ATP23: variants seen among roughly 807,000 people sequenced by gnomAD.
The protein encoded by ATP23 is ATP23 metallopeptidase and ATP synthase assembly factor homolog, also known as mitochondrial inner membrane protease ATP23 homolog.
Under a neutral mutation model 28.5 loss-of-function variants are expected in ATP23, and 24 were observed. The observed-to-expected ratio is 0.84, with a 90% CI of 0.61 to 1.18. The LOEUF (loss-of-function observed/expected upper bound fraction) is 1.18, where lower values mean the gene tolerates loss of function less well. Among genes scored for constraint, ATP23 ranks in the 50% most tolerant of loss-of-function variants. The pLI is 0.00. For missense variants in ATP23, 274 were observed against 306.4 expected (o/e 0.89, Z 0.79); for synonymous variants, 99 against 108.6 (o/e 0.91, Z 0.55).
rs1434183769 is a variant in ATP23 at position 57,941,848 on chromosome 12, C to G, written c.147C>G (p.Asn49Lys). 1.9e-6 allele frequency: 3 copies of G among 1,612,808 alleles called. No individual in the cohort carries two copies. Among genetic ancestry groups the G allele is most frequent in the Non-Finnish European group, 8.5e-7 (1 of 1,179,586 alleles). Residue 49 changes from asparagine to lysine, a missense_variant, in exon 1 of 6, where the codon AAC becomes AAG. Physicochemically the swap from Asn to Lys is moderately conservative, Grantham distance 94. Coordinates refer to ENST00000300145, the MANE Select transcript of ATP23 (RefSeq NM_033276.4). ...TCTTCTCCAGCTTCTTCACCAGCAA[C>G]CAGAAGTGCCAGCTTAGGCTCCTGA... is the stretch of plus-strand genomic sequence containing the variant. The part of the protein sequence containing the change: ...QGFFSSFFTS[N>K]QKCQLRLLKT...
intron 3 of ATP23, 143 bp from the exon 4 acceptor site, chr12:57,951,615 T>A: frequency 1.2e-6 from 1 of 857,968 alleles, no homozygotes; most frequent in Non-Finnish European, 1.9e-6. Flanking sequence ...TGGGTAGATG[T>A]GTGGCCAATG....
chr12:57,944,504 G>A (rs1956740908), intron 1 of ATP23, among the ~76,000 whole-genome samples: 1 of 152,184 alleles, frequency 6.6e-6, no homozygotes. Context: ...AATCGTCTAG[G>A]CCTCCCCGTC....
At position 57,946,996 on chromosome 12, in the gene ATP23, G is replaced by T; in HGVS notation, c.235G>T (p.Ala79Ser). ...TTGTCTCCTTTTCTTGCCTTTTAGT[G>T]CTGTTAACAAAGATAGACACTTTTC... ...LLDAMKHSGC[A>S]VNKDRHFSCE... The change falls in exon 3 of 6, where the codon GCT (alanine) becomes TCT (serine). Residue 79 changes from alanine to serine, a missense_variant and splice_region_variant. Ala to Ser is a moderately conservative substitution (Grantham distance 99). Transcript: ENST00000300145. 1 of 1,613,652 alleles carries T rather than the reference G, an allele frequency of 6.2e-7. No individual in the cohort carries two copies. Among genetic ancestry groups the T allele is most frequent in the South Asian group, 1.1e-5 (1 of 91,038 alleles).
chr12:57,950,813 G>A (rs1422413513), intron 3 of ATP23, among the ~76,000 whole-genome samples: 1 of 152,198 alleles, frequency 6.6e-6, no homozygotes, highest in East Asian at 1.9e-4. Flanking sequence ...ATAGGCATGA[G>A]CCACTGCACC....
chr12:57,941,626 G>T lies in ATP23; in HGVS notation c.-76G>T. ...GAGGGCCTGGGCGGTCGCGTTGGCG[G>T]GAGGGAGGTTACCTTTCCCAGTCTC... On this transcript the variant is annotated 5_prime_UTR_variant, in exon 1 of 6. Coordinates refer to ENST00000300145, the MANE Select transcript of ATP23 (RefSeq NM_033276.4). 1 of 1,536,156 alleles carries T rather than the reference G, an allele frequency of 6.5e-7. No individual in the cohort carries two copies.
chr12:57,956,914 A>G lies in ATP23; in HGVS notation c.*24A>G, dbSNP rs1252204874. ...GAGCACAATGACATTTTTATATTAC[A>G]GAGCTTCCATCATCATGAAGAAAAA... On this transcript the variant is annotated 3_prime_UTR_variant, in exon 6 of 6. Transcript: ENST00000300145. 1.9e-6 allele frequency: 3 copies of G among 1,563,290 alleles called. No homozygotes were observed. The highest frequency in any genetic ancestry group is 2.6e-6 in the Non-Finnish European group (3 of 1,160,154).
At chr12:57,955,781 G>A (rs538665501) in intron 5 of ATP23, among the ~76,000 whole-genome samples, 42 of 152,178 alleles carry the variant, frequency 2.8e-4, no homozygotes, top group Non-Finnish European at 4.7e-4. Flanking sequence ...GTAAAATTCA[G>A]GTTGAGAAAC....
At chr12:57,955,365 T>C (rs912723249) in intron 5 of ATP23, among the ~76,000 whole-genome samples, 3 of 151,916 alleles carry the variant, frequency 2.0e-5, no homozygotes, top group Admixed American at 6.6e-5. Flanking sequence ...TTCCTCTTTT[T>C]ACCATTGGGT....
rs1054449801 is a variant in ATP23 at position 57,958,040 on chromosome 12, G to C, written c.*1150G>C. Among the ~76,000 whole-genome samples, 3 of 152,146 alleles carry C rather than the reference G, an allele frequency of 2.0e-5. No individual in the cohort carries two copies. Among genetic ancestry groups the C allele is most frequent in the Non-Finnish European group, 2.9e-5 (2 of 68,032 alleles). On this transcript the variant is annotated 3_prime_UTR_variant, in exon 6 of 6. Coordinates refer to ENST00000300145, the MANE Select transcript of ATP23 (RefSeq NM_033276.4). ...CTGGAAGCAGACTTGGGGCTGTGGT[G>C]GGGGGCATGGTGGGAGTGAGACTGG...
chr12:57,957,035 A>G lies in ATP23; in HGVS notation c.*145A>G. On this transcript the variant is annotated 3_prime_UTR_variant, in exon 6 of 6. Coordinates refer to ENST00000300145, the MANE Select transcript of ATP23 (RefSeq NM_033276.4). The stretch of plus-strand genomic sequence containing the variant: ...GACTGTGATTCTAGCATATTATCAG[A>G]AAAAGTAACTATGGCAAAAAATGAA... 1 of 619,440 alleles carries G rather than the reference A, an allele frequency of 1.6e-6. No individual in the cohort carries two copies. The highest frequency in any genetic ancestry group is 4.2e-5 in the Admixed American group (1 of 23,864). 38.4% of individuals were successfully genotyped at this position (619,440 alleles called of 1,614,324 possible). A position where few individuals can be genotyped will look rare whatever the true frequency, so the allele number is the denominator to read the frequency against.
At chr12:57,955,688 A>G (rs1275343184) in intron 5 of ATP23, among the ~76,000 whole-genome samples, 1 of 152,164 alleles carries the variant, frequency 6.6e-6, no homozygotes, top group Non-Finnish European at 1.5e-5. Context: ...CTCTCTTTTT[A>G]GCAACTGTTG....
In ATP23 at chr12:57,957,208, C is replaced by A; in HGVS notation, c.*318C>A. On this transcript the variant is annotated 3_prime_UTR_variant, in exon 6 of 6. Transcript: ENST00000300145. Reference sequence around the variant, plus strand: ...TATGAAACCTGTGAAGTGTGCTCTTCCATGATGTTGATAGGTGACCACTGT... The same window carrying A: ...TATGAAACCTGTGAAGTGTGCTCTTACATGATGTTGATAGGTGACCACTGT... 4.6e-6 allele frequency: 1 copy of A among 216,354 alleles called. No homozygotes were observed. Among genetic ancestry groups the A allele is most frequent in the Non-Finnish European group, 9.0e-6 (1 of 110,976 alleles). 13.4% of individuals were successfully genotyped at this position (216,354 alleles called of 1,614,324 possible).
chr12:57,955,379 AG>A (rs944251424), intron 5 of ATP23, among the ~76,000 whole-genome samples: 5 of 151,696 alleles, frequency 3.3e-5, no homozygotes, highest in Admixed American at 2.0e-4. Flanking sequence ...ATTGGGTAGC[AG>A]CAGCAGAAAA....
intron 1 of ATP23, among the ~76,000 whole-genome samples, chr12:57,943,325 A>G (rs780241453): frequency 4.6e-5 from 7 of 152,126 alleles, no homozygotes; most frequent in Admixed American, 2.0e-4. Context: ...TCTGATCCTC[A>G]CTATCCTTAT....
At chr12:57,954,255 G>A (rs1361342910) in intron 5 of ATP23, among the ~76,000 whole-genome samples, 1 of 151,582 alleles carries the variant, frequency 6.6e-6, no homozygotes, top group African/African-American at 2.4e-5. Flanking sequence ...TTCGATGGGG[G>A]TGGATAAGGA....
At chr12:57,942,422 T>G (rs1956714351) in intron 1 of ATP23, among the ~76,000 whole-genome samples, 1 of 140,524 alleles carries the variant, frequency 7.1e-6, no homozygotes, top group South Asian at 2.3e-4. Flanking sequence ...TGCCCCTAAG[T>G]GCATTTTTTT....
In ATP23 at chr12:57,954,421, TA is replaced by T. The variant is rs553161085; in HGVS notation, c.537+735del. ...TTATGGCTATGTGTCAGTGTACCTG[TA>T]AAGGCTATATAATGTGATAGAAAAC... On this transcript the variant is annotated intron_variant, in intron 5 of 5. Coordinates refer to ENST00000300145, the MANE Select transcript of ATP23 (RefSeq NM_033276.4). Among the ~76,000 whole-genome samples the T allele has an allele frequency of 7.9e-5, 12 of 152,314 alleles. No individual in the cohort carries two copies. The South Asian group carries it at 2.3e-3, about 29-fold the overall frequency.
Position 57,941,693 on chromosome 12 carries a change from G to A in ATP23, c.-9G>A. 6.2e-7 allele frequency: 1 copy of A among 1,604,658 alleles called. No homozygotes were observed. The highest frequency in any genetic ancestry group is 8.5e-7 in the Non-Finnish European group (1 of 1,176,196). The stretch of plus-strand genomic sequence containing the variant: ...CCAGGAGGAAGCAGCGGCGAGGTCT[G>A]CGGGAGGCATGGCGGGAGCTCCGGA... On this transcript the variant is annotated 5_prime_UTR_variant, in exon 1 of 6. Coordinates refer to ENST00000300145, the MANE Select transcript of ATP23 (RefSeq NM_033276.4).
At position 57,951,664 on chromosome 12, in the gene ATP23, G is replaced by GC. The variant is rs1956815248; in HGVS notation, c.316-94_316-93insC. ...AGAGATATTCCAGGCAGGTGAGCTT[G>GC]TGGGGGAGAGGTGAGGTCATGTGGG... On this transcript the variant is annotated intron_variant, in intron 3 of 5. Transcript: ENST00000300145. 19 of 1,393,638 alleles carry GC rather than the reference G, an allele frequency of 1.4e-5. No homozygotes were observed. In the South Asian group the frequency reaches 2.2e-4, roughly 16 times the overall value. The allele number at this position is 1,393,638 out of a possible 1,614,324, so 86.3% of individuals were successfully genotyped here.
Sources: gnomAD v4.1 joint callset for allele counts (sites outside exome capture counted in the v4.1 genomes callset) on GRCh38, gnomAD v4.1.1 for gene constraint, MANE v1.5 for transcripts, NCBI Gene and HGNC (gene_info 2026-07-23, HGNC 2026-07-21) for gene names.